DLC1: variants seen among roughly 807,000 people sequenced by gnomAD.
DLC1 encodes the protein rho GTPase-activating protein 7.
In DLC1, 54 loss-of-function variants were observed where a neutral mutation model predicts 140.3. The observed-to-expected ratio is 0.38, with a 90% CI of 0.31 to 0.48. The LOEUF (loss-of-function observed/expected upper bound fraction) is 0.48, where lower values mean the gene tolerates loss of function less well. Among genes scored for constraint, DLC1 ranks in the 20% least tolerant of loss-of-function variants. The pLI is 0.96. For synonymous variants in DLC1, 986 were observed against 728.1 expected, an observed-to-expected ratio of 1.35 and a Z score of -5.70; for missense variants, 2,536 against 1,907.0, an observed-to-expected ratio of 1.33 and a Z score of -6.14.
intron 1 of DLC1, among the ~76,000 whole-genome samples, chr8:13,547,216 AT>A (rs551638866): frequency 9.7e-4 from 147 of 152,106 alleles, no homozygotes; most frequent in African/African-American, 3.2e-3. Context: ...CAACTGAACA[AT>A]TTTTTTATGA....
At chr8:13,382,332 C>G (rs1490119687) in intron 4 of DLC1, among the ~76,000 whole-genome samples, 1 of 150,938 alleles carries the variant, frequency 6.6e-6, no homozygotes, top group Non-Finnish European at 1.5e-5. Flanking sequence ...ACGTTGAAAC[C>G]CCGTCTCTAC....
At chr8:13,387,823 C>T (rs1836588357) in intron 4 of DLC1, among the ~76,000 whole-genome samples, 1 of 151,896 alleles carries the variant, frequency 6.6e-6, no homozygotes, top group Admixed American at 6.6e-5. Context: ...TGTCAATGTA[C>T]CTGCAGCATA....
At chr8:13,158,687 C>A (rs1008855049) in intron 5 of DLC1, among the ~76,000 whole-genome samples, 3 of 147,752 alleles carry the variant, frequency 2.0e-5, no homozygotes, top group African/African-American at 7.4e-5. Flanking sequence ...CATTAAGGTT[C>A]CTCAGTAATC....
At chr8:13,111,399 C>T (rs539918234) in intron 6 of DLC1, among the ~76,000 whole-genome samples, 2 of 152,112 alleles carry the variant, frequency 1.3e-5, no homozygotes, top group Non-Finnish European at 1.5e-5. Context: ...ATTGATATAA[C>T]TCCCCTAAAA....
At chr8:13,586,482 G>T (rs1049488824) in intron 1 of DLC1, among the ~76,000 whole-genome samples, 1 of 152,020 alleles carries the variant, frequency 6.6e-6, no homozygotes, top group Admixed American at 6.6e-5. Context: ...GTGTTCTCAT[G>T]GGGGAGAGCA....
At chr8:13,582,827 T>C (rs1319170726) in intron 1 of DLC1, among the ~76,000 whole-genome samples, 1 of 147,110 alleles carries the variant, frequency 6.8e-6, no homozygotes, top group Non-Finnish European at 1.5e-5. Flanking sequence ...TCATACAATT[T>C]TTTTTTGCTT....
intron 5 of DLC1, among the ~76,000 whole-genome samples, chr8:13,173,844 C>A (rs1825621429): frequency 6.6e-6 from 1 of 152,006 alleles, no homozygotes; most frequent in South Asian, 2.1e-4. Flanking sequence ...CATAATTAGT[C>A]CATTTTTTAT....
At chr8:13,428,018 G>A (rs1196540066) in intron 2 of DLC1, among the ~76,000 whole-genome samples, 1 of 152,164 alleles carries the variant, frequency 6.6e-6, no homozygotes, top group Non-Finnish European at 1.5e-5. Flanking sequence ...CTCTGTGCAG[G>A]TGGCTTCGGG....
intron 5 of DLC1, among the ~76,000 whole-genome samples, chr8:13,176,161 A>G (rs1238614983): frequency 6.6e-6 from 1 of 152,098 alleles, no homozygotes; most frequent in African/African-American, 2.4e-5. Context: ...ACCTGGTTTG[A>G]TTTTATGGAT....
intron 4 of DLC1, among the ~76,000 whole-genome samples, chr8:13,350,233 A>G (rs1834578915): frequency 6.6e-6 from 1 of 151,914 alleles, no homozygotes; most frequent in African/African-American, 2.4e-5. Flanking sequence ...ACATACCCTA[A>G]CGATAGATTT....
chr8:13,348,282 T>C (rs1220622721), intron 4 of DLC1, among the ~76,000 whole-genome samples: 2 of 152,158 alleles, frequency 1.3e-5, no homozygotes, highest in Non-Finnish European at 2.9e-5. Context: ...AGAAGTTCCA[T>C]GTTGCTGGAG....
intron 2 of DLC1, among the ~76,000 whole-genome samples, chr8:13,437,175 G>A (rs1839158161): frequency 6.6e-6 from 1 of 152,180 alleles, no homozygotes; most frequent in Non-Finnish European, 1.5e-5. Flanking sequence ...TTGACAAGTT[G>A]AGAAGTGAAG....
At chr8:13,572,186 T>G (rs1266713445) in intron 1 of DLC1, among the ~76,000 whole-genome samples, 1 of 150,954 alleles carries the variant, frequency 6.6e-6, no homozygotes, top group Non-Finnish European at 1.5e-5. Flanking sequence ...ACCTCCCGGG[T>G]TCACACCATT....
intron 5 of DLC1, among the ~76,000 whole-genome samples, chr8:13,275,615 C>T (rs1586054892): frequency 6.6e-6 from 1 of 152,214 alleles, no homozygotes. Context: ...TCACTGGACC[C>T]CTGCAAACAC....
chr8:13,554,814 A>T (rs1173801269), intron 1 of DLC1, among the ~76,000 whole-genome samples: 1 of 152,192 alleles, frequency 6.6e-6, no homozygotes, highest in Admixed American at 6.5e-5. Flanking sequence ...GCAGCCAGAG[A>T]TATCTGTTAA....
At chr8:13,221,718 GTGTGTGTGTA>G (rs1828560626) in intron 5 of DLC1, among the ~76,000 whole-genome samples, 14 of 107,176 alleles carry the variant, frequency 1.3e-4, no homozygotes, top group South Asian at 3.0e-4. Context: ...GTATATGTGT[GTGTGTGTGTA>G]TATATATATA....
chr8:13,408,394 T>C (rs777980531), intron 2 of DLC1, among the ~76,000 whole-genome samples: 13 of 152,208 alleles, frequency 8.5e-5, no homozygotes, highest in Non-Finnish European at 1.5e-4. Flanking sequence ...CTTCTACTTA[T>C]TAAGACATGT....
chr8:13,158,191 G>A (rs1157812388), intron 5 of DLC1, among the ~76,000 whole-genome samples: 4 of 152,102 alleles, frequency 2.6e-5, no homozygotes, highest in African/African-American at 7.2e-5. Flanking sequence ...TGGGGTCCCC[G>A]CCCAATCACC....
intron 5 of DLC1, 125 bp from the exon 6 acceptor site, chr8:13,115,782 A>G: frequency 7.0e-6 from 6 of 859,122 alleles, no homozygotes; most frequent in Non-Finnish European, 1.1e-5. Context: ...CAGATAAGCA[A>G]ACAGACATAC....
Sources: allele counts gnomAD v4.1 joint callset (sites outside exome capture counted in the v4.1 genomes callset), GRCh38; gene constraint gnomAD v4.1.1; transcripts MANE v1.5; gene names NCBI Gene and HGNC (gene_info 2026-07-23, HGNC 2026-07-21).